TIAM1: variants seen among roughly 807,000 people sequenced by gnomAD.
The protein encoded by TIAM1 is rho guanine nucleotide exchange factor TIAM1.
In TIAM1, 65 loss-of-function variants were observed where a neutral mutation model predicts 163.5. The observed-to-expected ratio is 0.40, with a 90% confidence interval of 0.33 to 0.49. The LOEUF (loss-of-function observed/expected upper bound fraction) is 0.49, where lower values mean the gene tolerates loss of function less well. Among genes scored for constraint, TIAM1 ranks in the 20% least tolerant of loss-of-function variants. The probability of loss-of-function intolerance (pLI) is 0.77; values close to 1 mark genes in which losing one functional copy is unlikely to be tolerated. For missense variants in TIAM1, 1,789 were observed against 2,044.7 expected (o/e 0.87, Z 2.41); for synonymous variants, 833 against 810.1 (o/e 1.03, Z -0.48).
chr21:31,302,854 G>A (rs1276566422), intron 2 of TIAM1, among the ~76,000 whole-genome samples: 1 of 152,160 alleles, frequency 6.6e-6, no homozygotes, highest in African/African-American at 2.4e-5. Flanking sequence ...AATTGATGTT[G>A]CTTGAAGATT....
chr21:31,484,333 T>C (rs2046205402), intron 1 of TIAM1, among the ~76,000 whole-genome samples: 1 of 152,202 alleles, frequency 6.6e-6, no homozygotes, highest in African/African-American at 2.4e-5. Flanking sequence ...CTGGGGACTG[T>C]GTGTGCTTTG....
intron 2 of TIAM1, among the ~76,000 whole-genome samples, chr21:31,403,207 G>C (rs542619634): frequency 6.6e-6 from 1 of 152,138 alleles, no homozygotes; most frequent in East Asian, 1.9e-4. Flanking sequence ...GAGTGCAGTG[G>C]CACAGTCTTG....
At chr21:31,527,061 C>CG (rs1176570238) in intron 1 of TIAM1, among the ~76,000 whole-genome samples, 1 of 152,102 alleles carries the variant, frequency 6.6e-6, no homozygotes, top group Non-Finnish European at 1.5e-5. Flanking sequence ...CAAAGATATC[C>CG]GGGCCACACA....
chr21:31,214,060 C>T (rs2087035626), intron 9 of TIAM1, among the ~76,000 whole-genome samples: 1 of 151,502 alleles, frequency 6.6e-6, no homozygotes, highest in Non-Finnish European at 1.5e-5. Flanking sequence ...CGTGGTGGCT[C>T]ATATCTGCAA....
Position 31,266,882 on chromosome 21 carries a change from G to C in TIAM1, c.91C>G (p.Arg31Gly). 1 of 1,614,084 alleles carries C rather than the reference G, an allele frequency of 6.2e-7. No individual in the cohort carries two copies. Among genetic ancestry groups the C allele is most frequent in the Non-Finnish European group, 8.5e-7 (1 of 1,180,026 alleles). The change falls in exon 4 of 28, where the codon CGC becomes GGC. Residue 31 changes from arginine (R) to glycine (G), a missense_variant. Physicochemically the swap from Arg to Gly is moderately radical, Grantham distance 125. Around this residue, in one of 5 missense-constraint regions of TIAM1, gnomAD observed 555 missense variants for 564.9 expected, o/e 0.98. Coordinates refer to ENST00000541036, the MANE Select transcript of TIAM1 (RefSeq NM_001353694.2). ...GTCCTCCGCGTCTTGTGCGAGAGGC[G>C]CAGGGAGCGGGAAGTGTGCTTGCGC... is the stretch of plus-strand genomic sequence containing the variant. ...LGRKHTSRSL[R>G]LSHKTRRTRH...
intron 3 of TIAM1, among the ~76,000 whole-genome samples, chr21:31,268,890 T>C (rs2146827537): frequency 6.6e-6 from 1 of 152,308 alleles, no homozygotes; most frequent in Non-Finnish European, 1.5e-5. Context: ...CATATTAAGA[T>C]ACCTGGATGT....
chr21:31,502,898 A>G (rs1375350231), intron 1 of TIAM1, among the ~76,000 whole-genome samples: 2 of 152,312 alleles, frequency 1.3e-5, no homozygotes, highest in African/African-American at 2.4e-5. Context: ...GCACCCTCAC[A>G]TTCCAAGCTC....
intron 15 of TIAM1, among the ~76,000 whole-genome samples, chr21:31,173,183 C>T (rs1327702277): frequency 1.3e-5 from 2 of 152,134 alleles, no homozygotes; most frequent in African/African-American, 4.8e-5. Context: ...ATTCTGGCCT[C>T]GTGAGATGTC....
chr21:31,487,295 C>T (rs150555566), intron 1 of TIAM1, among the ~76,000 whole-genome samples: 6 of 152,310 alleles, frequency 3.9e-5, no homozygotes, highest in African/African-American at 1.4e-4. Flanking sequence ...AAGCTCAATA[C>T]TGCCACGGTT....
rs59419171 is a variant in TIAM1 at position 31,243,209 on chromosome 21, A to AAAAT, written c.1584+2278_1584+2279insATTT. 8.4e-4 allele frequency among the ~76,000 whole-genome samples: 99 copies of AAAAT among 117,270 alleles called. 1 individual carries two copies. The highest frequency in any genetic ancestry group is 3.5e-3 in the African/African-American group (94 of 26,830). The allele number at this position is 117,270 out of a possible 152,430, so 76.9% of individuals were successfully genotyped here. A position where few individuals can be genotyped will look rare whatever the true frequency, so the allele number is the denominator to read the frequency against. ...CTTCATCTCAAAAAAAAAAAAAAAA[A>AAAAT]ATATATATATATATATGTATATTTC... On this transcript the variant is annotated intron_variant, in intron 6 of 27. Coordinates refer to ENST00000541036, the MANE Select transcript of TIAM1 (RefSeq NM_001353694.2).
chr21:31,141,482 C>T lies in TIAM1; in HGVS notation c.3498G>A (p.Lys1166=), dbSNP rs776601162. 1.5e-5 allele frequency: 24 copies of T among 1,613,984 alleles called. No individual in the cohort carries two copies. In the East Asian group the frequency reaches 5.3e-4, roughly 36 times the overall value. ...TCGGGTTCTGGGCATCCAAGAATGC[C>T]TTGAAAGCCGTGTCTGTCTTGGCTG... The part of the protein sequence containing the change: ...LVKAKTDTAF[K]AFLDAQNPKQ... The change falls in exon 21 of 28, where the codon AAG becomes AAA. Residue 1166 remains lysine (K), a synonymous_variant. Coordinates refer to ENST00000541036, the MANE Select transcript of TIAM1 (RefSeq NM_001353694.2). The surrounding 1 kb of genome is among the most constrained non-coding windows in gnomAD (Gnocchi z 4.7).
chr21:31,518,754 A>C (rs568499769), intron 1 of TIAM1, among the ~76,000 whole-genome samples: 41 of 152,222 alleles, frequency 2.7e-4, no homozygotes, highest in Admixed American at 8.5e-4. Flanking sequence ...CATCATGGAG[A>C]TAGGACAAAG....
In TIAM1 at chr21:31,210,745, AGGG is replaced by A. The variant is rs750810823; in HGVS notation, c.2218-533_2218-531del. Among the ~76,000 whole-genome samples, 46 of 101,226 alleles carry A rather than the reference AGGG, an allele frequency of 4.5e-4. 2 individuals are homozygous for A. Among genetic ancestry groups the A allele is most frequent in the East Asian group, 1.6e-3 (5 of 3,130 alleles). The allele number at this position is 101,226 out of a possible 152,430, so 66.4% of individuals were successfully genotyped here. On this transcript the variant is annotated intron_variant, in intron 10 of 27. Coordinates refer to ENST00000541036, the MANE Select transcript of TIAM1 (RefSeq NM_001353694.2). The stretch of plus-strand genomic sequence containing the variant: ...AGAAAGAAAGAGAAAGAAGGAAGGA[AGGG>A]AGAAAGAAAGAAAGAAAGAAAGAAA...
rs528167188 is a variant in TIAM1 at position 31,540,371 on chromosome 21, G to A, written c.-422+18556C>T. On this transcript the variant is annotated intron_variant, in intron 1 of 28. Transcript: ENST00000286827. ...TTGCACTCCAGCCTAGGCAAAAAGA[G>A]CAATACTCCATCTCAAAAAAAAAAA... is the stretch of plus-strand genomic sequence containing the variant. 4.2e-5 allele frequency among the ~76,000 whole-genome samples: 6 copies of A among 142,580 alleles called. No individual in the cohort carries two copies. In the South Asian group the frequency reaches 1.1e-3, roughly 26 times the overall value. The allele number at this position is 142,580 out of a possible 152,430, so 93.5% of individuals were successfully genotyped here. A position where few individuals can be genotyped will look rare whatever the true frequency, so the allele number is the denominator to read the frequency against.
chr21:31,161,983 T>C (rs1475085794), intron 16 of TIAM1, among the ~76,000 whole-genome samples: 2 of 152,176 alleles, frequency 1.3e-5, no homozygotes, highest in East Asian at 1.9e-4. Flanking sequence ...ATTTAAGTGG[T>C]TTATGGCTGT....
At chr21:31,333,254 CT>C (rs2075734544) in intron 2 of TIAM1, among the ~76,000 whole-genome samples, 1 of 152,116 alleles carries the variant, frequency 6.6e-6, no homozygotes, top group Non-Finnish European at 1.5e-5. Context: ...AGTCCAGGCA[CT>C]TTACTTCTCT....
intron 1 of TIAM1, among the ~76,000 whole-genome samples, chr21:31,523,910 T>C: frequency 7.2e-6 from 1 of 139,344 alleles, no homozygotes; most frequent in Admixed American, 7.7e-5. Context: ...AGAGCCAGAT[T>C]CCATCTCAAA....
rs774140564 is a variant in TIAM1, at chr21:31,266,747, A to G, written c.226T>C (p.Phe76Leu). The change falls in exon 4 of 28, where the codon TTC becomes CTC. Residue 76 changes from phenylalanine (F) to leucine (L), a missense_variant. Phe to Leu is a conservative substitution (Grantham distance 22). This residue lies in a region of TIAM1 where 555 missense variants were observed against 564.9 expected (regional missense o/e 0.98). Coordinates refer to ENST00000541036, the MANE Select transcript of TIAM1 (RefSeq NM_001353694.2). ...QSLAENGLEP[F>L]SQDGTLEDFG... ...TCTTCTAGGGTACCATCTTGGGAGAAGGGCTCCAGGCCATTTTCAGCCAGG... is the reference window on the plus strand; with the variant it reads ...TCTTCTAGGGTACCATCTTGGGAGAGGGGCTCCAGGCCATTTTCAGCCAGG... 6 of 1,614,196 alleles carry G rather than the reference A, an allele frequency of 3.7e-6. No individual in the cohort carries two copies. The Admixed American group carries it at 1.0e-4, about 27-fold the overall frequency.
At chr21:31,181,776 T>C (rs2085037273) in intron 15 of TIAM1, among the ~76,000 whole-genome samples, 19 of 65,766 alleles carry the variant, frequency 2.9e-4, no homozygotes, top group Middle Eastern at 5.8e-3. Context: ...TTTTTTTTTT[T>C]TTTTTTTTTT....
Sources: allele counts gnomAD v4.1 joint callset (sites outside exome capture counted in the v4.1 genomes callset), GRCh38; gene constraint gnomAD v4.1.1; regional missense constraint gnomAD v4.1.1; non-coding constraint Gnocchi (gnomAD v3.1); transcripts MANE v1.5; gene names NCBI Gene and HGNC (gene_info 2026-07-23, HGNC 2026-07-21).